The following SYNE1 variants were observed in gnomAD, a reference collection of about 807,000 sequenced individuals.
SYNE1 encodes nesprin-1.
A neutral mutation model predicts 1,111.0 loss-of-function variants in SYNE1; 616 were observed. The ratio of observed to expected loss-of-function variants is 0.55; its 90% CI spans 0.52 to 0.59. The LOEUF is 0.59. SYNE1 is among the 20% of genes least tolerant of loss of function. The pLI is 0.00. For synonymous variants in SYNE1, 3,855 were observed against 3,825.8 expected (o/e 1.01, Z -0.28); for missense variants, 10,006 against 10,417.0 (o/e 0.96, Z 1.72).
chr6:152,453,271 A>C, intron 25 of SYNE1: 1 of 574,296 alleles, frequency 1.7e-6, no homozygotes, highest in South Asian at 2.2e-5. Context: ...AGATTTATTC[A>C]GCAGAGAGAA....
At chr6:152,194,294 GT>G (rs1350941068) in intron 127 of SYNE1, among the ~76,000 whole-genome samples, 4 of 152,206 alleles carry the variant, frequency 2.6e-5, no homozygotes, top group African/African-American at 9.6e-5. Context: ...AGGGTAACAG[GT>G]TTTTTTCTTC....
At chr6:152,190,621 T>C (rs773004871) in intron 127 of SYNE1, among the ~76,000 whole-genome samples, 6 of 152,204 alleles carry the variant, frequency 3.9e-5, no homozygotes, top group Non-Finnish European at 8.8e-5. Context: ...AAATGTATGA[T>C]TAAACTCTTA....
chr6:152,596,749 A>G (rs2099583076), intron 3 of SYNE1, among the ~76,000 whole-genome samples: 1 of 152,242 alleles, frequency 6.6e-6, no homozygotes, highest in Non-Finnish European at 1.5e-5. Flanking sequence ...TTCACAAAAC[A>G]ACATGTTTAA....
intron 17 of SYNE1, 72 bp downstream of exon 17, chr6:152,465,910 A>T (rs1201461322): frequency 1.7e-5 from 19 of 1,099,614 alleles, no homozygotes; most frequent in Non-Finnish European, 2.5e-5. Flanking sequence ...GAATGATCTG[A>T]TCAGATAGAA....
At chr6:152,338,224 G>A (rs1220668891) in intron 75 of SYNE1, among the ~76,000 whole-genome samples, 2 of 152,148 alleles carry the variant, frequency 1.3e-5, no homozygotes, top group Admixed American at 6.5e-5. Context: ...TAATATTAAA[G>A]AGAAAAACCT....
At chr6:152,518,517 G>C (rs570063703) in intron 6 of SYNE1, among the ~76,000 whole-genome samples, 1 of 152,102 alleles carries the variant, frequency 6.6e-6, no homozygotes, top group Non-Finnish European at 1.5e-5. Flanking sequence ...TAAGCTTCCT[G>C]AGGCCTCTCC....
chr6:152,218,350 G>A lies in SYNE1; in HGVS notation c.22098C>T (p.Ala7366=). Residue 7366 remains alanine, a synonymous_variant, in exon 121 of 146, where the codon GCC becomes GCT. Transcript: ENST00000367255. ...TFAKSLEALE[A]WIVEAEEILQ... Reference sequence around the variant, plus strand: ...GTATTTCTTCAGCTTCCACTATCCAGGCCTCCAAAGCTTCTAAACTCTTGG... The same window carrying A: ...GTATTTCTTCAGCTTCCACTATCCAAGCCTCCAAAGCTTCTAAACTCTTGG... 1 of 1,613,764 alleles carries A rather than the reference G, an allele frequency of 6.2e-7. No individual in the cohort carries two copies. The highest frequency in any genetic ancestry group is 8.5e-7 in the Non-Finnish European group (1 of 1,179,944).
In SYNE1 at chr6:152,128,509, C is replaced by T. The variant is rs2054291731; in HGVS notation, c.26153+2211G>A. On this transcript the variant is annotated intron_variant, in intron 145 of 145. Coordinates refer to ENST00000367255, the MANE Select transcript of SYNE1 (RefSeq NM_182961.4). The stretch of plus-strand genomic sequence containing the variant: ...ACTGTATGAAGATACAGAATCACCA[C>T]CATCAAATCAAATTGAAATATGTAA... The T allele has an allele frequency of 7.2e-5, 11 of 152,294 alleles. No homozygotes were observed. The South Asian group carries it at 2.1e-3, about 29-fold the overall frequency. The allele number at this position is 152,294 out of a possible 1,614,324, so 9.4% of individuals were successfully genotyped here. A position where few individuals can be genotyped will look rare whatever the true frequency, so the allele number is the denominator to read the frequency against.
chr6:152,261,324 C>G (rs531436980), intron 101 of SYNE1, among the ~76,000 whole-genome samples: 2 of 152,336 alleles, frequency 1.3e-5, no homozygotes, highest in East Asian at 3.9e-4. Flanking sequence ...GTGTTCCTGA[C>G]TCCCTCATTT....
At position 152,159,540 on chromosome 6, in the gene SYNE1, C is replaced by T. The variant is rs183273583; in HGVS notation, c.23791-3443G>A. Among the ~76,000 whole-genome samples the T allele has an allele frequency of 3.8e-3, 577 of 152,266 alleles. 6 individuals are homozygous for T. The highest frequency in any genetic ancestry group is 0.012 in the African/African-American group (484 of 41,572). Reference sequence around the variant, plus strand: ...GAAGAAAGCAGCATGTTTTCCACCCCGGAGTTCACCTGTTCAGGAGCAACC... The same window carrying T: ...GAAGAAAGCAGCATGTTTTCCACCCTGGAGTTCACCTGTTCAGGAGCAACC... On this transcript the variant is annotated intron_variant, in intron 131 of 145. Coordinates refer to ENST00000367255, the MANE Select transcript of SYNE1 (RefSeq NM_182961.4).
rs71017538 is a variant in SYNE1, at chr6:152,465,766, T to TACAC, written c.1729+212_1729+215dup. On this transcript the variant is annotated intron_variant, in intron 17 of 145. Transcript: ENST00000367255. The stretch of plus-strand genomic sequence containing the variant: ...TTTTGTTCTCTCTTAGAAGAACACA[T>TACAC]ACACACACACACACACACACACACA... Among the ~76,000 whole-genome samples, 934 of 133,454 alleles carry TACAC rather than the reference T, an allele frequency of 7.0e-3. 6 individuals are homozygous for TACAC. Among genetic ancestry groups the TACAC allele is most frequent in the Middle Eastern group, 0.012 (3 of 246 alleles). The allele number at this position is 133,454 out of a possible 152,430, so 87.6% of individuals were successfully genotyped here.
chr6:152,457,918 G>C (rs1266058027), intron 22 of SYNE1, among the ~76,000 whole-genome samples: 1 of 150,386 alleles, frequency 6.6e-6, no homozygotes, highest in Admixed American at 6.6e-5. Flanking sequence ...TATTATATCT[G>C]TATATATAAT....
intron 5 of SYNE1, among the ~76,000 whole-genome samples, chr6:152,524,266 A>T (rs1208647377): frequency 6.6e-6 from 1 of 152,106 alleles, no homozygotes; most frequent in Non-Finnish European, 1.5e-5. Context: ...AAAAGATGCT[A>T]GATTTTATCA....
chr6:152,366,746 G>A (rs1186379538), intron 62 of SYNE1, among the ~76,000 whole-genome samples: 3 of 152,216 alleles, frequency 2.0e-5, no homozygotes, highest in Admixed American at 1.3e-4. Context: ...TCAAGACAGA[G>A]TGCCGGTCTC....
intron 91 of SYNE1, among the ~76,000 whole-genome samples, chr6:152,307,984 C>T (rs1198331019): frequency 1.3e-5 from 2 of 152,070 alleles, no homozygotes; most frequent in African/African-American, 2.4e-5. Context: ...AGGCGCATGC[C>T]ACCACACCCA....
intron 127 of SYNE1, among the ~76,000 whole-genome samples, chr6:152,190,236 A>C (rs1242805587): frequency 1.3e-5 from 2 of 152,164 alleles, no homozygotes; most frequent in African/African-American, 2.4e-5. Flanking sequence ...TTTTAACATG[A>C]GATTGCAGAA....
At chr6:152,339,888 T>C (rs1200171032) in intron 74 of SYNE1, among the ~76,000 whole-genome samples, 1 of 152,224 alleles carries the variant, frequency 6.6e-6, no homozygotes, top group Non-Finnish European at 1.5e-5. Context: ...GGATCTTTAA[T>C]CTATTTATAG....
chr6:152,199,420 A>T (rs920898544), intron 127 of SYNE1, among the ~76,000 whole-genome samples: 1 of 152,202 alleles, frequency 6.6e-6, no homozygotes, highest in African/African-American at 2.4e-5. Flanking sequence ...GTTACTACTC[A>T]ATTTAAAACA....
At position 152,350,200 on chromosome 6, in the gene SYNE1, C is replaced by A. The variant is rs753344306; in HGVS notation, c.11869G>T (p.Glu3957Ter). The A allele has an allele frequency of 1.2e-6, 2 of 1,613,686 alleles. No homozygotes were observed. Among genetic ancestry groups the A allele is most frequent in the South Asian group, 2.2e-5 (2 of 91,042 alleles). Residue 3957 changes from glutamate (E) to a stop codon, truncating the protein, a stop_gained, in exon 72 of 146, where the codon GAG becomes TAG. Transcript: ENST00000367255. LOFTEE classifies it high-confidence loss of function. ...APDLLETSSL[E>*]TITQQLAHHK... ...TGGGCCAATTGCTGGGTGATTGTCT[C>A]CAGGCTGCTTGTCTCCAGGAGGTCA...
Sources: gnomAD v4.1 joint callset for allele counts (sites outside exome capture counted in the v4.1 genomes callset) on GRCh38, gnomAD v4.1.1 for gene constraint, MANE v1.5 for transcripts, NCBI Gene and HGNC (gene_info 2026-07-23, HGNC 2026-07-21) for gene names.